Variants in BRD9 observed in about 807,000 individuals in gnomAD.
The protein encoded by BRD9 is bromodomain-containing protein 9.
In BRD9, 47 loss-of-function variants were observed where a neutral mutation model predicts 68.7. The observed-to-expected ratio is 0.68, with a 90% CI of 0.54 to 0.87. BRD9 has a LOEUF of 0.87. Ranked by LOEUF, BRD9 falls within the 40% of genes least tolerant of loss-of-function variation. BRD9 has a pLI of 0.00. For missense variants in BRD9, 670 were observed against 748.4 expected, an observed-to-expected ratio of 0.90 and a Z score of 1.22; for synonymous variants, 313 against 293.9, an observed-to-expected ratio of 1.06 and a Z score of -0.67.
At chr5:874,260 T>A (rs1750578862) in intron 12 of BRD9, among the ~76,000 whole-genome samples, 1 of 152,200 alleles carries the variant, frequency 6.6e-6, no homozygotes, top group Admixed American at 6.5e-5. Context: ...CATACCCAGC[T>A]CTTAAAATTC....
At chr5:887,806 C>T (rs1393037499) in intron 5 of BRD9, among the ~76,000 whole-genome samples, 2 of 152,212 alleles carry the variant, frequency 1.3e-5, no homozygotes, top group African/African-American at 2.4e-5. Flanking sequence ...CGACCCGATT[C>T]TTTCAAGTGC....
intron 7 of BRD9, among the ~76,000 whole-genome samples, chr5:885,731 A>G (rs1490458584): frequency 6.6e-6 from 1 of 152,212 alleles, no homozygotes; most frequent in African/African-American, 2.4e-5. Context: ...GCCTGCACTC[A>G]GCAAGTGACA....
rs1748966539 is a variant in BRD9, at chr5:863,948, T to C, written c.*520A>G. 6.5e-6 allele frequency: 1 copy of C among 153,820 alleles called. No individual in the cohort carries two copies. The highest frequency in any genetic ancestry group is 6.4e-5 in the Admixed American group (1 of 15,652). The allele number at this position is 153,820 out of a possible 1,614,324, so 9.5% of individuals were successfully genotyped here. ...CTATGACAGGAACACACTGGACTGA[T>C]ACAGAATGAGGCCAGACACACCCAT... On this transcript the variant is annotated 3_prime_UTR_variant, in exon 16 of 16. Transcript: ENST00000467963.
At chr5:889,875 T>G (rs1168014985) in intron 3 of BRD9, 5 of 770,080 alleles carry the variant, frequency 6.5e-6, no homozygotes, top group Non-Finnish European at 1.0e-5. Flanking sequence ...TAATAACCGG[T>G]AGCCCTTACA....
intron 15 of BRD9, 116 bp from the exon 16 acceptor site, chr5:864,684 G>T: frequency 1.2e-6 from 1 of 813,354 alleles, no homozygotes; most frequent in Non-Finnish European, 2.0e-6. Context: ...GGACTCCCAG[G>T]ACACAGGGGC....
chr5:889,749 T>C (rs781429909), intron 3 of BRD9, 102 bp from the exon 4 acceptor site: 2 of 1,566,896 alleles, frequency 1.3e-6, no homozygotes, highest in Non-Finnish European at 8.7e-7. Context: ...CTCACAGCAT[T>C]TTAAGTTCCA....
intron 7 of BRD9, 91 bp from the exon 8 acceptor site, chr5:884,161 G>A (rs927211564): frequency 2.0e-5 from 31 of 1,515,320 alleles, no homozygotes; most frequent in Non-Finnish European, 2.6e-5. Flanking sequence ...AGCTTCTACC[G>A]ACCCTGCCCT....
chr5:892,587 C>T lies in BRD9; in HGVS notation c.52+19G>A. The T allele has an allele frequency of 1.3e-6, 2 of 1,535,134 alleles. No individual in the cohort carries two copies. Among genetic ancestry groups the T allele is most frequent in the South Asian group, 2.4e-5 (2 of 83,406 alleles). Reference sequence around the variant, plus strand: ...CCGGGACCCCGCCCGCCGCGCGTCACAAAGCGCCGCCGCCTCACCCTCGTA... The same window carrying T: ...CCGGGACCCCGCCCGCCGCGCGTCATAAAGCGCCGCCGCCTCACCCTCGTA... On this transcript the variant is annotated intron_variant, in intron 1 of 15. Transcript: ENST00000467963.
intron 7 of BRD9, among the ~76,000 whole-genome samples, chr5:884,734 A>G (rs1268884423): frequency 6.6e-6 from 1 of 152,252 alleles, no homozygotes; most frequent in African/African-American, 2.4e-5. Flanking sequence ...GCCCAGGACA[A>G]GCCCTGCCCA....
rs1227732495 is a variant in BRD9, at chr5:883,994, C to T, written c.910G>A (p.Glu304Lys). The T allele has an allele frequency of 6.2e-7, 1 of 1,613,784 alleles. No individual in the cohort carries two copies. Among genetic ancestry groups the T allele is most frequent in the Non-Finnish European group, 8.5e-7 (1 of 1,180,016 alleles). The change falls in exon 8 of 16, where the codon GAG (glutamate) becomes AAG (lysine). Residue 304 changes from glutamate (E) to lysine (K), a missense_variant. Physicochemically the swap from Glu to Lys is moderately conservative, Grantham distance 56. Transcript: ENST00000467963. ...TCCCGAGCTTCGTCAGCTGCGTGCT[C>T]CACCAGCGCCAGCACGTGCTCCTCT... is the stretch of plus-strand genomic sequence containing the variant. Reference protein sequence around the residue: ...TAEEHVLALVEHAADEARDRI... With the variant: ...TAEEHVLALVKHAADEARDRI...
Position 864,380 on chromosome 5 carries a change from G to A in BRD9, c.*88C>T. ...GCTTCCCGCATGCCAAAGGGGACAG[G>A]ATCAAAGTCCTTGTCTGATGACAAA... On this transcript the variant is annotated 3_prime_UTR_variant, in exon 16 of 16. Coordinates refer to ENST00000467963, the MANE Select transcript of BRD9 (RefSeq NM_023924.5). 1 of 1,152,018 alleles carries A rather than the reference G, an allele frequency of 8.7e-7. No homozygotes were observed. Among genetic ancestry groups the A allele is most frequent in the Non-Finnish European group, 1.2e-6 (1 of 816,976 alleles). 71.4% of individuals were successfully genotyped at this position (1,152,018 alleles called of 1,614,324 possible).
chr5:883,412 G>A (rs1752085037), intron 8 of BRD9: 1 of 456,882 alleles, frequency 2.2e-6, no homozygotes, highest in South Asian at 1.5e-5. Flanking sequence ...GACAGCCTGT[G>A]CTCTGTTTCC....
At chr5:883,729 A>C (rs1295629932) in intron 8 of BRD9, 2 of 654,598 alleles carry the variant, frequency 3.1e-6, no homozygotes, top group African/African-American at 3.6e-5. Context: ...GATGCATGAA[A>C]CACCAGCGGC....
At position 871,586 on chromosome 5, in the gene BRD9, A is replaced by C. The variant is rs369832383; in HGVS notation, c.1384-22T>G. 787 of 1,611,342 alleles carry C rather than the reference A, an allele frequency of 4.9e-4. No individual in the cohort carries two copies. The highest frequency in any genetic ancestry group is 7.5e-4 in the Admixed American group (45 of 60,034). The stretch of plus-strand genomic sequence containing the variant: ...TTCTCTGAAAAGTAAATGAGGACAG[A>C]AACTAGTTTTTCCAGAGTGATTTCA... On this transcript the variant is annotated intron_variant, in intron 12 of 15. Coordinates refer to ENST00000467963, the MANE Select transcript of BRD9 (RefSeq NM_023924.5).
intron 14 of BRD9, chr5:869,431 C>T (rs7733636): frequency 0.075 from 33,774 of 448,606 alleles, 2,469 homozygotes; most frequent in African/African-American, 0.27. Flanking sequence ...AAAATATATC[C>T]CTTTGACATA....
chr5:880,804 C>A (rs1414515492), intron 9 of BRD9, among the ~76,000 whole-genome samples: 1 of 152,232 alleles, frequency 6.6e-6, no homozygotes, highest in Non-Finnish European at 1.5e-5. Flanking sequence ...GATGTGAACC[C>A]TTCCTGATGC....
intron 6 of BRD9, 87 bp from the exon 7 acceptor site, chr5:886,794 G>C: frequency 6.2e-7 from 1 of 1,600,814 alleles, no homozygotes; most frequent in Non-Finnish European, 8.5e-7. Flanking sequence ...CAGAGCAGCA[G>C]GGATTTACCT....
Position 881,440 on chromosome 5 carries a change from A to G in BRD9, c.967-258T>C, listed in dbSNP as rs996654286. ...ACAGCTGAAACAAAAACCTTCACCC[A>G]CGAGTAAACATTTAAAATTGCTCAT... On this transcript the variant is annotated intron_variant, in intron 8 of 15. Coordinates refer to ENST00000467963, the MANE Select transcript of BRD9 (RefSeq NM_023924.5). 7.3e-6 allele frequency: 4 copies of G among 549,388 alleles called. No homozygotes were observed. In the African/African-American group the frequency reaches 7.6e-5, roughly 10 times the overall value. The allele number at this position is 549,388 out of a possible 1,614,324, so 34.0% of individuals were successfully genotyped here. A position where few individuals can be genotyped will look rare whatever the true frequency, so the allele number is the denominator to read the frequency against.
intron 3 of BRD9, chr5:890,091 G>C (rs954333140): frequency 3.1e-6 from 1 of 324,030 alleles, no homozygotes; most frequent in African/African-American, 2.2e-5. Context: ...AGCAACTTGG[G>C]AGGCTGAGGT....
Sources: gnomAD v4.1 joint callset for allele counts (sites outside exome capture counted in the v4.1 genomes callset) on GRCh38, gnomAD v4.1.1 for gene constraint, MANE v1.5 for transcripts, NCBI Gene and HGNC (gene_info 2026-07-23, HGNC 2026-07-21) for gene names.